OR1J2: variants seen among roughly 807,000 people sequenced by gnomAD.
OR1J2 encodes the protein olfactory receptor 1J2.
For missense variants in OR1J2, 304 were observed against 246.1 expected, an observed-to-expected ratio of 1.24 and a Z score of -1.57; for synonymous variants, 142 against 99.7, an observed-to-expected ratio of 1.42 and a Z score of -2.52.
chr9:122,460,086 T>C, the OR1J2 span, among the ~76,000 whole-genome samples: 1 of 152,118 alleles, frequency 6.6e-6, no homozygotes, highest in Non-Finnish European at 1.5e-5. Flanking sequence ...AGAATAATGA[T>C]CTCCAATTCC....
the OR1J2 span, chr9:122,553,808 G>A: frequency 3.7e-6 from 6 of 1,613,930 alleles, no homozygotes; most frequent in East Asian, 1.3e-4. Flanking sequence ...ATGTAAACGA[G>A]CTGATGATCA....
chr9:122,482,519 A>G, the OR1J2 span, among the ~76,000 whole-genome samples: 1 of 152,228 alleles, frequency 6.6e-6, no homozygotes, highest in Non-Finnish European at 1.5e-5. Context: ...ACTACTGAGT[A>G]TATATTCAAA....
At chr9:122,552,079 T>TCTCA in the OR1J2 span, among the ~76,000 whole-genome samples, 24 of 142,212 alleles carry the variant, frequency 1.7e-4, no homozygotes, top group African/African-American at 3.4e-4. Context: ...TCTCTCTCTC[T>TCTCA]CACACACACA....
At chr9:122,559,896 G>A in the OR1J2 span, among the ~76,000 whole-genome samples, 1 of 152,142 alleles carries the variant, frequency 6.6e-6, no homozygotes, top group African/African-American at 2.4e-5. Flanking sequence ...TTAATTTTCT[G>A]TCTCATTGAT....
the OR1J2 span, among the ~76,000 whole-genome samples, chr9:122,482,333 C>A: frequency 6.6e-6 from 1 of 152,002 alleles, no homozygotes; most frequent in Non-Finnish European, 1.5e-5. Flanking sequence ...GACCTCACCC[C>A]AAATAGAATG....
the OR1J2 span, among the ~76,000 whole-genome samples, chr9:122,579,158 T>C: frequency 0.022 from 3,279 of 152,142 alleles, 68 homozygotes; most frequent in African/African-American, 0.054. Flanking sequence ...TGGGGCTTGG[T>C]TAAATTATAA....
rs1828631923 is a variant in OR1J2 at position 122,511,329 on chromosome 9, T to C, written c.528T>C (p.His176=). The C allele has an allele frequency of 1.4e-6, 1 of 728,098 alleles. No individual in the cohort carries two copies. The highest frequency in any genetic ancestry group is 2.5e-6 in the Non-Finnish European group (1 of 393,434). 45.1% of individuals were successfully genotyped at this position (728,098 alleles called of 1,614,324 possible). Residue 176 remains histidine, a synonymous_variant, in exon 1 of 1, where the codon CAT becomes CAC. Transcript: ENST00000335302. ...LSFCAANTIP[H]VFCDLAALLK... ...TCTGTGCTGCGAACACCATCCCCCATGTCTTCTGTGACCTTGCTGCCCTGC... is the reference window on the plus strand; with the variant it reads ...TCTGTGCTGCGAACACCATCCCCCACGTCTTCTGTGACCTTGCTGCCCTGC...
At chr9:122,456,222 A>G in the OR1J2 span, among the ~76,000 whole-genome samples, 2 of 152,200 alleles carry the variant, frequency 1.3e-5, no homozygotes, top group Non-Finnish European at 2.9e-5. Flanking sequence ...GGCTGTAATA[A>G]GCTCTTGCAT....
chr9:122,541,335 G>A, the OR1J2 span, among the ~76,000 whole-genome samples: 7 of 152,180 alleles, frequency 4.6e-5, 1 homozygote, highest in South Asian at 2.1e-4. Flanking sequence ...CCCAGAAACC[G>A]GCATCCTTTG....
At chr9:122,463,281 A>G in the OR1J2 span, among the ~76,000 whole-genome samples, 1 of 151,944 alleles carries the variant, frequency 6.6e-6, no homozygotes, top group Non-Finnish European at 1.5e-5. Flanking sequence ...AGTTATGATT[A>G]TTTTTTATTT....
the OR1J2 span, among the ~76,000 whole-genome samples, chr9:122,579,833 G>C: frequency 2.5e-4 from 38 of 152,220 alleles, no homozygotes; most frequent in African/African-American, 8.7e-4. Flanking sequence ...CCAGGAAATT[G>C]AGTGCTTACA....
chr9:122,529,678 T>C, the OR1J2 span, among the ~76,000 whole-genome samples: 1 of 152,240 alleles, frequency 6.6e-6, no homozygotes, highest in Non-Finnish European at 1.5e-5. Context: ...TAAAACTCTG[T>C]AGATCCTTGA....
At chr9:122,506,266 T>G (rs148907807), upstream of OR1J2, among the ~76,000 whole-genome samples, 435 of 152,232 alleles carry the variant, frequency 2.9e-3, 4 homozygotes, top group African/African-American at 0.01. Context: ...GATATTTTCT[T>G]TGTGTACTCA....
chr9:122,512,805 C>T (rs1437181715), downstream of OR1J2, among the ~76,000 whole-genome samples: 2 of 152,132 alleles, frequency 1.3e-5, no homozygotes, highest in Non-Finnish European at 2.9e-5. Context: ...CATTAAGCCT[C>T]GTGGAATTTC....
At chr9:122,519,398 A>C in the OR1J2 span, 1 of 1,614,164 alleles carries the variant, frequency 6.2e-7, no homozygotes, top group Non-Finnish European at 8.5e-7. Context: ...TAAGCATGCA[A>C]ACTCAGGATC....
chr9:122,494,647 A>G, the OR1J2 span, among the ~76,000 whole-genome samples: 4 of 152,142 alleles, frequency 2.6e-5, no homozygotes, highest in African/African-American at 7.2e-5. Context: ...GCCGTTCTCT[A>G]TCTTTTAAGT....
chr9:122,480,098 C>CT, the OR1J2 span, among the ~76,000 whole-genome samples: 10 of 151,966 alleles, frequency 6.6e-5, no homozygotes, highest in East Asian at 1.4e-3. Flanking sequence ...TCAAAGTACT[C>CT]TTTTTTTTAA....
chr9:122,477,413 G>C, the OR1J2 span: 1 of 1,613,944 alleles, frequency 6.2e-7, no homozygotes, highest in Non-Finnish European at 8.5e-7. Context: ...GGGATGATGT[G>C]GTCAGCACAG....
At chr9:122,454,578 T>G in the OR1J2 span, among the ~76,000 whole-genome samples, 1 of 152,148 alleles carries the variant, frequency 6.6e-6, no homozygotes, top group Non-Finnish European at 1.5e-5. Context: ...CTCTTTCCAT[T>G]TATTACCTGT....
Sources: gnomAD v4.1 joint callset for allele counts (sites outside exome capture counted in the v4.1 genomes callset) on GRCh38, gnomAD v4.1.1 for gene constraint, MANE v1.5 for transcripts, NCBI Gene and HGNC (gene_info 2026-07-23, HGNC 2026-07-21) for gene names.